The following DIAPH3 variants were observed in gnomAD, a reference collection of about 807,000 sequenced individuals.
DIAPH3 encodes diaphanous related formin 3, also known as protein diaphanous homolog 3.
DIAPH3 carries 117 observed loss-of-function variants against 144.3 expected under a neutral mutation model. The observed-to-expected ratio is 0.81, with a 90% CI of 0.70 to 0.95. The LOEUF is 0.95. Ranked by LOEUF, DIAPH3 falls within the 40% of genes least tolerant of loss-of-function variation. DIAPH3 has a pLI of 0.00. For synonymous variants in DIAPH3, 519 were observed against 488.9 expected (o/e 1.06, Z -0.81); for missense variants, 1,421 against 1,412.7 (o/e 1.01, Z -0.09).
intron 2 of DIAPH3, among the ~76,000 whole-genome samples, chr13:60,130,171 T>C (rs759139726): frequency 6.6e-6 from 1 of 152,208 alleles, no homozygotes; most frequent in Non-Finnish European, 1.5e-5. Context: ...AACAATGCTC[T>C]TTCTACACTG....
At chr13:59,802,876 G>A (rs1227594637) in intron 25 of DIAPH3, among the ~76,000 whole-genome samples, 1 of 148,972 alleles carries the variant, frequency 6.7e-6, no homozygotes, top group East Asian at 2.0e-4. Context: ...AGTAGAGACG[G>A]GGTTTCACCT....
intron 4 of DIAPH3, among the ~76,000 whole-genome samples, chr13:60,049,231 C>G (rs2056224312): frequency 6.6e-6 from 1 of 152,108 alleles, no homozygotes; most frequent in Admixed American, 6.5e-5. Flanking sequence ...TCTCTAGGAC[C>G]ATTACAATTC....
chr13:60,094,923 G>A (rs1223212613), intron 3 of DIAPH3, among the ~76,000 whole-genome samples: 1 of 152,172 alleles, frequency 6.6e-6, no homozygotes, highest in Admixed American at 6.5e-5. Context: ...CCTGTTACGT[G>A]AATAAGTGTT....
intron 17 of DIAPH3, among the ~76,000 whole-genome samples, chr13:59,963,947 A>G (rs1161555830): frequency 6.6e-6 from 1 of 152,238 alleles, no homozygotes; most frequent in East Asian, 1.9e-4. Context: ...AACAAGCACT[A>G]ATTTGAGCCA....
chr13:59,827,562 T>C (rs891619011), intron 24 of DIAPH3, among the ~76,000 whole-genome samples: 15 of 152,114 alleles, frequency 9.9e-5, no homozygotes, highest in Non-Finnish European at 1.6e-4. Context: ...GATAAGAGTG[T>C]TGTACTTTGC....
At chr13:59,947,702 C>T (rs1233625179) in intron 17 of DIAPH3, among the ~76,000 whole-genome samples, 1 of 151,604 alleles carries the variant, frequency 6.6e-6, no homozygotes, top group East Asian at 1.9e-4. Context: ...CACTGCACTC[C>T]AGCCTGGGCA....
At chr13:60,045,463 T>G (rs544648626) in intron 4 of DIAPH3, among the ~76,000 whole-genome samples, 1 of 152,344 alleles carries the variant, frequency 6.6e-6, no homozygotes, top group South Asian at 2.1e-4. Flanking sequence ...TACCTATTGT[T>G]CTATAGGCTA....
At chr13:59,937,728 A>G (rs930047511) in intron 17 of DIAPH3, among the ~76,000 whole-genome samples, 6 of 152,196 alleles carry the variant, frequency 3.9e-5, no homozygotes, top group African/African-American at 1.4e-4. Context: ...CTTAAGTAGT[A>G]GAATTTTACA....
At chr13:60,152,323 A>G (rs1484107037) in intron 1 of DIAPH3, among the ~76,000 whole-genome samples, 2 of 152,042 alleles carry the variant, frequency 1.3e-5, no homozygotes, top group African/African-American at 4.8e-5. Flanking sequence ...CTACTTGGAT[A>G]TATCCCACAT....
At chr13:59,874,743 A>G (rs2044504134) in intron 21 of DIAPH3, among the ~76,000 whole-genome samples, 1 of 152,202 alleles carries the variant, frequency 6.6e-6, no homozygotes, top group East Asian at 1.9e-4. Context: ...ACCAATAAAA[A>G]TTAGTTATTA....
chr13:59,888,572 T>C (rs2045593187), intron 20 of DIAPH3, among the ~76,000 whole-genome samples: 1 of 152,106 alleles, frequency 6.6e-6, no homozygotes, highest in Non-Finnish European at 1.5e-5. Context: ...TACATCTTAA[T>C]GTATCAATCT....
At chr13:59,815,649 C>CTT (rs1335407838) in intron 24 of DIAPH3, among the ~76,000 whole-genome samples, 1 of 151,896 alleles carries the variant, frequency 6.6e-6, no homozygotes, top group Non-Finnish European at 1.5e-5. Context: ...AGATGGGGGT[C>CTT]TTGATAATAT....
chr13:59,810,874 TTTTC>T lies in DIAPH3; in HGVS notation c.3073_3076del (p.Glu1025AsnfsTer5), dbSNP rs754626492. On this transcript the variant is annotated frameshift_variant, in exon 25 of 28. Transcript: ENST00000400324. LOFTEE classifies it high-confidence loss of function. Reference sequence around the variant, plus strand: ...TAATTCTTTAGCTATTCTGACACGTTTTTCTTTTTCCTCTGCTTCTCTTTTTTTG... The same window carrying T: ...TAATTCTTTAGCTATTCTGACACGTTTTTTTCCTCTGCTTCTCTTTTTTTG... The T allele has an allele frequency of 1.2e-6, 2 of 1,612,742 alleles. No individual in the cohort carries two copies.
rs74894892 is a variant in DIAPH3, at chr13:59,843,246, C to T, written c.2738-3798G>A. On this transcript the variant is annotated intron_variant, in intron 22 of 27. Coordinates refer to ENST00000400324, the MANE Select transcript of DIAPH3 (RefSeq NM_001042517.2). ...ATTGTACCGTATGGATATAGAAGTA[C>T]ATGTCTGGTCAGAGGGCAGAATTCC... Among the ~76,000 whole-genome samples the T allele has an allele frequency of 4.2e-4, 64 of 152,252 alleles. 1 individual carries two copies. The East Asian group carries it at 0.012, about 28-fold the overall frequency.
At chr13:59,693,045 G>C (rs759980600) in intron 27 of DIAPH3, among the ~76,000 whole-genome samples, 1 of 152,176 alleles carries the variant, frequency 6.6e-6, no homozygotes, top group African/African-American at 2.4e-5. Flanking sequence ...AAGTTTTAGA[G>C]GGAAGGCAGT....
At chr13:59,846,673 T>C (rs1333366829) in intron 22 of DIAPH3, among the ~76,000 whole-genome samples, 1 of 152,060 alleles carries the variant, frequency 6.6e-6, no homozygotes, top group African/African-American at 2.4e-5. Flanking sequence ...TAGAATACCA[T>C]TATAAAATCC....
chr13:59,766,942 C>T (rs1337227953), intron 27 of DIAPH3, among the ~76,000 whole-genome samples: 2 of 152,158 alleles, frequency 1.3e-5, no homozygotes, highest in African/African-American at 4.8e-5. Flanking sequence ...CTTATCCATC[C>T]TTTTTGTACC....
At chr13:59,732,270 C>A (rs965839638) in intron 27 of DIAPH3, among the ~76,000 whole-genome samples, 5 of 151,592 alleles carry the variant, frequency 3.3e-5, no homozygotes, top group Admixed American at 1.3e-4. Context: ...ATATTCTTCT[C>A]ACTAGTGTTA....
intron 3 of DIAPH3, among the ~76,000 whole-genome samples, chr13:60,102,079 C>T (rs539573031): frequency 6.6e-6 from 1 of 152,160 alleles, no homozygotes; most frequent in South Asian, 2.1e-4. Context: ...ATTCCATTTT[C>T]TGCTGTTTTA....
Sources: gnomAD v4.1 joint callset for allele counts (sites outside exome capture counted in the v4.1 genomes callset) on GRCh38, gnomAD v4.1.1 for gene constraint, MANE v1.5 for transcripts, NCBI Gene and HGNC (gene_info 2026-07-23, HGNC 2026-07-21) for gene names.